PCDHGA10: variants seen among roughly 807,000 people sequenced by gnomAD.
PCDHGA10 encodes the protein protocadherin gamma subfamily A, 10.
Under a neutral mutation model 59.5 loss-of-function variants are expected in PCDHGA10, and 42 were observed. The ratio of observed to expected loss-of-function variants is 0.71; its 90% confidence interval spans 0.55 to 0.91. The LOEUF (loss-of-function observed/expected upper bound fraction) is 0.91, where lower values mean the gene tolerates loss of function less well. PCDHGA10 is among the 40% of genes least tolerant of loss of function. The pLI, the probability that PCDHGA10 is intolerant of heterozygous loss-of-function variation, is 0.00. For synonymous variants in PCDHGA10, 511 were observed against 517.2 expected (o/e 0.99, Z 0.16); for missense variants, 1,111 against 1,198.2 (o/e 0.93, Z 1.07).
At chr5:141,418,844 A>G (rs781310201) in intron 1 of PCDHGA10, 2 of 1,613,936 alleles carry the variant, frequency 1.2e-6, no homozygotes, top group South Asian at 2.2e-5. Context: ...ATCTCTCTCA[A>G]CACGGTGTAA....
rs139867523 is a variant in PCDHGA10, at chr5:141,474,274, G to A, written c.2437-20533G>A. 1.2e-4 allele frequency among the ~76,000 whole-genome samples: 19 copies of A among 152,278 alleles called. No homozygotes were observed. In the East Asian group the frequency reaches 3.3e-3, roughly 26 times the overall value. On this transcript the variant is annotated intron_variant, in intron 1 of 3. Coordinates refer to ENST00000398610, the MANE Select transcript of PCDHGA10 (RefSeq NM_018913.3). ...AAGACTGATAAACCAGTGTATCTCT[G>A]AATAACCCACTAGATCAGTGCTTGT...
chr5:141,481,427 T>C lies in PCDHGA10; in HGVS notation c.2437-13380T>C, dbSNP rs79272909. Reference sequence around the variant, plus strand: ...TTGTATAATTAGATTGTGATGATGATTGTATCAGTTTAGTACATGTAAATA... The same window carrying C: ...TTGTATAATTAGATTGTGATGATGACTGTATCAGTTTAGTACATGTAAATA... On this transcript the variant is annotated intron_variant, in intron 1 of 3. Transcript: ENST00000398610. Among the ~76,000 whole-genome samples the C allele has an allele frequency of 6.0e-3, 907 of 152,334 alleles. 5 individuals are homozygous for C. Among genetic ancestry groups the C allele is most frequent in the African/African-American group, 0.02 (840 of 41,578 alleles).
At chr5:141,459,237 C>T (rs1004453705) in intron 1 of PCDHGA10, among the ~76,000 whole-genome samples, 1 of 152,214 alleles carries the variant, frequency 6.6e-6, no homozygotes, top group Admixed American at 6.5e-5. Flanking sequence ...AACTGGTCTG[C>T]TTCCTGTCAC....
In PCDHGA10 at chr5:141,458,391, C is replaced by G. The variant is rs534396279; in HGVS notation, c.2437-36416C>G. 5.9e-5 allele frequency among the ~76,000 whole-genome samples: 9 copies of G among 152,126 alleles called. No homozygotes were observed. In the South Asian group the frequency reaches 1.0e-3, roughly 18 times the overall value. ...GGAGAAGAGAGAAGGAAGACGCTCCCCCTTGCAGAGACGGAGCGGGGGTTC... is the reference window on the plus strand; with the variant it reads ...GGAGAAGAGAGAAGGAAGACGCTCCGCCTTGCAGAGACGGAGCGGGGGTTC... On this transcript the variant is annotated intron_variant, in intron 1 of 3. Coordinates refer to ENST00000398610, the MANE Select transcript of PCDHGA10 (RefSeq NM_018913.3).
chr5:141,420,286 A>C, intron 1 of PCDHGA10: 1 of 1,505,774 alleles, frequency 6.6e-7, no homozygotes, highest in Non-Finnish European at 8.9e-7. Flanking sequence ...TAAGTATTTA[A>C]AAATGTATTT....
chr5:141,421,811 T>A, intron 1 of PCDHGA10: 1 of 1,613,766 alleles, frequency 6.2e-7, no homozygotes, highest in Non-Finnish European at 8.5e-7. Flanking sequence ...AATCCAGAGC[T>A]AGTACTGGAG....
intron 1 of PCDHGA10, chr5:141,439,888 A>G (rs2098137228): frequency 6.6e-6 from 1 of 152,384 alleles, no homozygotes. Context: ...TCTGGGTAGA[A>G]CCAAGGCGAC....
intron 2 of PCDHGA10, among the ~76,000 whole-genome samples, chr5:141,502,866 C>CTCTTTTTT (rs1554188502): frequency 2.3e-5 from 3 of 128,046 alleles, no homozygotes; most frequent in Non-Finnish European, 3.2e-5. Flanking sequence ...GACTCTCTGT[C>CTCTTTTTT]TTTTTTTTTT....
intron 1 of PCDHGA10, among the ~76,000 whole-genome samples, chr5:141,448,861 C>T (rs1017826063): frequency 2.0e-5 from 3 of 152,118 alleles, no homozygotes; most frequent in African/African-American, 7.2e-5. Flanking sequence ...AGGAGAATGG[C>T]GTGAACCTGG....
chr5:141,441,885 CA>C, intron 1 of PCDHGA10: 1 of 345,036 alleles, frequency 2.9e-6, no homozygotes. Context: ...ACCTGGTCAC[CA>C]AGGTGGTGGC....
chr5:141,478,849 C>A, intron 1 of PCDHGA10: 1 of 1,375,282 alleles, frequency 7.3e-7, no homozygotes, highest in Non-Finnish European at 9.6e-7. Flanking sequence ...TAAGCTAAAA[C>A]ACAAGATCTC....
In PCDHGA10 at chr5:141,486,702, T is replaced by C; in HGVS notation, c.2437-8105T>C. On this transcript the variant is annotated intron_variant, in intron 1 of 3. Coordinates refer to ENST00000398610, the MANE Select transcript of PCDHGA10 (RefSeq NM_018913.3). The surrounding 1 kb of genome is among the most constrained non-coding windows in gnomAD (Gnocchi z 5.0). ...GTATCAGCTTCCTCTTTCATCTCTC[T>C]GAACCCCCAGACAGGAGCTGTTCAT... is the stretch of plus-strand genomic sequence containing the variant. 3 of 1,614,218 alleles carry C rather than the reference T, an allele frequency of 1.9e-6. No homozygotes were observed. Among genetic ancestry groups the C allele is most frequent in the Non-Finnish European group, 2.5e-6 (3 of 1,180,040 alleles).
rs1005709757 is a variant in PCDHGA10 at position 141,495,051 on chromosome 5, A to G, written c.2495+186A>G. Among the ~76,000 whole-genome samples, 3 of 152,042 alleles carry G rather than the reference A, an allele frequency of 2.0e-5. No homozygotes were observed. In the East Asian group the frequency reaches 5.8e-4, roughly 29 times the overall value. On this transcript the variant is annotated intron_variant, in intron 2 of 3. Transcript: ENST00000398610. ...CCGGAAGGAAGAGGCGACTGCCCTG[A>G]CTGTTCAGGAAGCTCAATTCACATG... is the stretch of plus-strand genomic sequence containing the variant.
intron 3 of PCDHGA10, among the ~76,000 whole-genome samples, chr5:141,507,802 T>G (rs886950696): frequency 6.6e-6 from 1 of 152,204 alleles, no homozygotes; most frequent in African/African-American, 2.4e-5. Context: ...GCCTGCGCCC[T>G]GGGGAACGGA....
chr5:141,510,986 G>A lies in PCDHGA10; in HGVS notation c.2624G>A (p.Gly875Asp), dbSNP rs754203270. The A allele has an allele frequency of 6.2e-7, 1 of 1,614,166 alleles. No individual in the cohort carries two copies. The highest frequency in any genetic ancestry group is 8.5e-7 in the Non-Finnish European group (1 of 1,180,012). The change falls in exon 4 of 4, where the codon GGC becomes GAC. Residue 875 changes from glycine to aspartate, a missense_variant. Physicochemically the swap from Gly to Asp is moderately conservative, Grantham distance 94. Transcript: ENST00000398610. ...DGSSTLGGGA[G>D]TMGLSARYGP... ...AGCTCCACCCTGGGAGGGGGTGCCG[G>A]CACCATGGGATTGAGCGCCCGCTAC... is the stretch of plus-strand genomic sequence containing the variant.
At position 141,463,438 on chromosome 5, in the gene PCDHGA10, C is replaced by CTTTTT. The variant is rs71576115; in HGVS notation, c.2437-31345_2437-31341dup. On this transcript the variant is annotated intron_variant, in intron 1 of 3. Coordinates refer to ENST00000398610, the MANE Select transcript of PCDHGA10 (RefSeq NM_018913.3). ...GTTTGCGGATCCTCATTTCCTTCTC[C>CTTTTT]TTTTTTTTTTTTTTTTTTTTTTTTT... is the stretch of plus-strand genomic sequence containing the variant. 3.0e-4 allele frequency among the ~76,000 whole-genome samples: 31 copies of CTTTTT among 103,252 alleles called. 1 individual carries two copies. Among genetic ancestry groups the CTTTTT allele is most frequent in the African/African-American group, 1.2e-3 (26 of 22,402 alleles). The allele number at this position is 103,252 out of a possible 152,430, so 67.7% of individuals were successfully genotyped here.
At chr5:141,478,717 C>T (rs1381812771) in intron 1 of PCDHGA10, 1 of 1,545,032 alleles carries the variant, frequency 6.5e-7, no homozygotes, top group South Asian at 1.2e-5. Context: ...GAGATGGTGG[C>T]CTGCCAGAGT....
intron 1 of PCDHGA10, among the ~76,000 whole-genome samples, chr5:141,484,211 G>A (rs1362875959): frequency 6.6e-6 from 1 of 152,158 alleles, no homozygotes; most frequent in Non-Finnish European, 1.5e-5. Context: ...ATGAACATTA[G>A]CATTCTGCCA....
At chr5:141,423,006 T>G (rs746057587) in intron 1 of PCDHGA10, 12 of 1,614,078 alleles carry the variant, frequency 7.4e-6, no homozygotes, top group African/African-American at 1.3e-5. Context: ...CCAAGGTGGT[T>G]GCGGTGGACA....
Sources: gnomAD v4.1 joint callset for allele counts (sites outside exome capture counted in the v4.1 genomes callset) on GRCh38, gnomAD v4.1.1 for gene constraint, Gnocchi (gnomAD v3.1) non-coding constraint, MANE v1.5 for transcripts, NCBI Gene and HGNC (gene_info 2026-07-23, HGNC 2026-07-21) for gene names.